The following EYS variants were observed in gnomAD, a reference collection of about 807,000 sequenced individuals.
The protein encoded by EYS is EGF-like photoreceptor maintenance factor.
Under a neutral mutation model 282.1 loss-of-function variants are expected in EYS, and 250 were observed. The ratio of observed to expected loss-of-function variants is 0.89; its 90% CI spans 0.80 to 0.98. EYS has a LOEUF of 0.98. Ranked by LOEUF, EYS falls within the 50% of genes least tolerant of loss-of-function variation. EYS has a pLI of 0.00. For synonymous variants in EYS, 1,355 were observed against 1,282.9 expected (o/e 1.06, Z -1.20); for missense variants, 4,016 against 3,709.0 (o/e 1.08, Z -2.15).
chr6:64,895,238 TG>T (rs1767421117), intron 18 of EYS, among the ~76,000 whole-genome samples: 1 of 152,192 alleles, frequency 6.6e-6, no homozygotes, highest in South Asian at 2.1e-4. Flanking sequence ...TTCTAAAGGT[TG>T]GATCTCTATG....
chr6:65,611,913 A>G (rs1442174702), intron 2 of EYS, among the ~76,000 whole-genome samples: 1 of 152,072 alleles, frequency 6.6e-6, no homozygotes, highest in East Asian at 1.9e-4. Context: ...AGAAGAATAA[A>G]GTCTAAAGTG....
At chr6:64,535,888 G>A (rs1159542639) in intron 26 of EYS, among the ~76,000 whole-genome samples, 1 of 151,898 alleles carries the variant, frequency 6.6e-6, no homozygotes, top group African/African-American at 2.4e-5. Context: ...TCAATATTAA[G>A]TTCAAGAACA....
At chr6:64,974,650 T>G (rs1344661412) in intron 14 of EYS, among the ~76,000 whole-genome samples, 11 of 151,908 alleles carry the variant, frequency 7.2e-5, no homozygotes, top group Admixed American at 7.2e-4. Context: ...CATGTCCTTA[T>G]AGGATACATA....
chr6:65,526,427 T>A (rs1478723359), intron 2 of EYS, among the ~76,000 whole-genome samples: 2 of 152,212 alleles, frequency 1.3e-5, no homozygotes, highest in Non-Finnish European at 2.9e-5. Context: ...TTATCTCTCA[T>A]CACCAAGCAT....
chr6:65,539,411 A>G (rs903876402), intron 2 of EYS, among the ~76,000 whole-genome samples: 9 of 152,204 alleles, frequency 5.9e-5, no homozygotes, highest in African/African-American at 2.2e-4. Flanking sequence ...GACTAATCAG[A>G]TAGCAATTTC....
chr6:64,074,126 A>G (rs1771683492), intron 32 of EYS, among the ~76,000 whole-genome samples: 1 of 151,694 alleles, frequency 6.6e-6, no homozygotes. Flanking sequence ...TCAAAACTTT[A>G]TAAAATCTCT....
chr6:63,894,988 A>G (rs1324685217), intron 35 of EYS, among the ~76,000 whole-genome samples: 1 of 151,972 alleles, frequency 6.6e-6, no homozygotes, highest in Non-Finnish European at 1.5e-5. Flanking sequence ...GTACTAAGAC[A>G]GGGCCATTGA....
chr6:63,748,768 G>C (rs911915695), intron 41 of EYS, among the ~76,000 whole-genome samples: 3 of 152,054 alleles, frequency 2.0e-5, no homozygotes, highest in South Asian at 4.2e-4. Context: ...TCAAATTTGT[G>C]TGCATAGAAG....
At chr6:64,658,248 C>T (rs902817828) in intron 22 of EYS, among the ~76,000 whole-genome samples, 1 of 152,026 alleles carries the variant, frequency 6.6e-6, no homozygotes, top group Non-Finnish European at 1.5e-5. Context: ...TCTAGTTATC[C>T]GTTCGTCTAA....
At chr6:64,037,990 T>A (rs1366094405) in intron 33 of EYS, among the ~76,000 whole-genome samples, 1 of 152,208 alleles carries the variant, frequency 6.6e-6, no homozygotes, top group Admixed American at 6.5e-5. Context: ...TGAATAAACA[T>A]CCAAAATGAA....
intron 29 of EYS, among the ~76,000 whole-genome samples, chr6:64,308,967 AT>A (rs1769566137): frequency 6.6e-6 from 1 of 151,522 alleles, no homozygotes; most frequent in African/African-American, 2.4e-5. Context: ...AATGTTTTTA[AT>A]TTTTAGATTT....
At chr6:64,922,091 C>T (rs1280341106) in intron 15 of EYS, among the ~76,000 whole-genome samples, 1 of 152,122 alleles carries the variant, frequency 6.6e-6, no homozygotes, top group African/African-American at 2.4e-5. Flanking sequence ...CATTGAGGGC[C>T]CATGAAGGAA....
intron 8 of EYS, among the ~76,000 whole-genome samples, chr6:65,355,635 C>T (rs1164042776): frequency 4.6e-5 from 7 of 151,980 alleles, no homozygotes; most frequent in African/African-American, 1.7e-4. Flanking sequence ...CTTCAAAATA[C>T]AACCAAATAA....
Position 64,617,249 on chromosome 6 carries a change from C to T in EYS, c.3684+169G>A, listed in dbSNP as rs115114158. 3.7e-3 allele frequency among the ~76,000 whole-genome samples: 562 copies of T among 152,176 alleles called. 6 individuals are homozygous for T. Among genetic ancestry groups the T allele is most frequent in the African/African-American group, 0.012 (513 of 41,514 alleles). On this transcript the variant is annotated intron_variant, in intron 24 of 42. Transcript: ENST00000503581. ...ACTGAGGGTGCAAGTGATGCACGGA[C>T]AACAAGGGAAAGAGGAATGCCGAGA... is the stretch of plus-strand genomic sequence containing the variant.
chr6:64,861,798 A>T (rs1465693937), intron 19 of EYS, among the ~76,000 whole-genome samples: 2 of 152,222 alleles, frequency 1.3e-5, no homozygotes, highest in Non-Finnish European at 2.9e-5. Context: ...GCTATTATTA[A>T]CAATTTTAAG....
chr6:63,817,409 C>T (rs566576119), intron 36 of EYS, among the ~76,000 whole-genome samples: 4 of 152,222 alleles, frequency 2.6e-5, no homozygotes, highest in African/African-American at 7.2e-5. Context: ...GAGCTGGGTC[C>T]GGTAATGGGG....
intron 28 of EYS, among the ~76,000 whole-genome samples, chr6:64,429,521 C>A (rs1380580714): frequency 6.6e-6 from 1 of 152,144 alleles, no homozygotes; most frequent in South Asian, 2.1e-4. Context: ...ATCCCAGCTA[C>A]TCGGGAGGCT....
chr6:63,817,196 C>T (rs1771200696), intron 36 of EYS, among the ~76,000 whole-genome samples: 1 of 152,192 alleles, frequency 6.6e-6, no homozygotes, highest in Middle Eastern at 3.4e-3. Flanking sequence ...TGCTTTTTTG[C>T]TTATCAGCAT....
At chr6:63,857,526 T>A (rs1275618832) in intron 36 of EYS, 1 of 260,368 alleles carries the variant, frequency 3.8e-6, no homozygotes, top group Non-Finnish European at 7.9e-6. Flanking sequence ...TTCTCTGACA[T>A]GCACGCAATT....
Sources: gnomAD v4.1 joint callset for allele counts (sites outside exome capture counted in the v4.1 genomes callset) on GRCh38, gnomAD v4.1.1 for gene constraint, MANE v1.5 for transcripts, NCBI Gene and HGNC (gene_info 2026-07-23, HGNC 2026-07-21) for gene names.